The following OARD1 variants were observed in gnomAD, a reference collection of about 807,000 sequenced individuals.
OARD1 encodes ADP-ribose glycohydrolase OARD1.
A neutral mutation model predicts 19.7 loss-of-function variants in OARD1; 19 were observed. That is an observed-to-expected ratio of 0.96 (90% CI 0.67 to 1.41). OARD1 has a LOEUF of 1.41. Ranked by LOEUF, OARD1 falls within the 40% of genes most tolerant of loss-of-function variation. The pLI is 0.00. For missense variants in OARD1, 190 were observed against 183.8 expected, an observed-to-expected ratio of 1.03 and a Z score of -0.20; for synonymous variants, 70 against 61.8, an observed-to-expected ratio of 1.13 and a Z score of -0.62.
intron 1 of OARD1, chr6:41,092,905 C>CA: frequency 6.2e-7 from 1 of 1,611,992 alleles, no homozygotes; most frequent in South Asian, 1.1e-5. Flanking sequence ...GTTTCCTGTT[C>CA]ACACAGATGG....
chr6:41,074,317 T>C (rs1433119415), upstream of OARD1, among the ~76,000 whole-genome samples: 1 of 152,204 alleles, frequency 6.6e-6, no homozygotes, highest in African/African-American at 2.4e-5. Context: ...CAGCAGTTAG[T>C]ATATGCCAGG....
Position 41,066,257 on chromosome 6 carries a change from G to A in OARD1, c.*1078C>T, listed in dbSNP as rs993580297. The stretch of plus-strand genomic sequence containing the variant: ...TCCTCCCGCCTCAACCTCTAGAGTA[G>A]CTGGAACTACAGGCCTGCACCACCA... On this transcript the variant is annotated 3_prime_UTR_variant, in exon 6 of 6. Transcript: ENST00000424266. The A allele has an allele frequency of 6.6e-6, 1 of 152,044 alleles. No homozygotes were observed. Among genetic ancestry groups the A allele is most frequent in the Non-Finnish European group, 1.5e-5 (1 of 68,018 alleles). 9.4% of individuals were successfully genotyped at this position (152,044 alleles called of 1,614,324 possible).
At chr6:41,088,614 C>T (rs979452186) in intron 1 of OARD1, among the ~76,000 whole-genome samples, 13 of 151,894 alleles carry the variant, frequency 8.6e-5, no homozygotes, top group Non-Finnish European at 1.6e-4. Context: ...GACAGTTACT[C>T]GCTCTGTTGC....
At chr6:41,083,177 A>G (rs1763955589) in intron 1 of OARD1, among the ~76,000 whole-genome samples, 1 of 152,194 alleles carries the variant, frequency 6.6e-6, no homozygotes, top group Non-Finnish European at 1.5e-5. Context: ...TCCAGAAAGC[A>G]TTCTATTAGG....
intron 1 of OARD1, chr6:41,093,032 A>T: frequency 6.2e-7 from 1 of 1,614,184 alleles, no homozygotes; most frequent in Non-Finnish European, 8.5e-7. Flanking sequence ...TCTTAAGAGG[A>T]GGCAAGCCCG....
chr6:41,090,422 CAA>C lies in OARD1; in HGVS notation c.-42+7289_-42+7290del, dbSNP rs368610238. The C allele has an allele frequency of 3.3e-3, 1,445 of 442,568 alleles. 2 individuals are homozygous for C. Among genetic ancestry groups the C allele is most frequent in the African/African-American group, 9.6e-3 (440 of 46,044 alleles). 27.4% of individuals were successfully genotyped at this position (442,568 alleles called of 1,614,324 possible). ...AACTTGACACTACATATTTTTTGGA[CAA>C]AAAAAAAAAAGATTTCCTCTAGCTC... On this transcript the variant is annotated intron_variant, in intron 1 of 4. Coordinates refer to the OARD1 transcript ENST00000480585.
At chr6:41,092,470 T>C (rs1006155496) in intron 1 of OARD1, among the ~76,000 whole-genome samples, 2 of 152,246 alleles carry the variant, frequency 1.3e-5, no homozygotes, top group African/African-American at 4.8e-5. Context: ...TACTTGTTTT[T>C]ACCTACATTT....
chr6:41,084,023 G>C, intron 1 of OARD1: 2 of 1,579,452 alleles, frequency 1.3e-6, no homozygotes, highest in Non-Finnish European at 1.7e-6. Context: ...TTATTTCATT[G>C]TTCTTATTTT....
At chr6:41,086,929 T>A (rs888414377) in intron 1 of OARD1, among the ~76,000 whole-genome samples, 10 of 152,170 alleles carry the variant, frequency 6.6e-5, no homozygotes, top group African/African-American at 2.4e-4. Context: ...AATATAAGAA[T>A]TTTTATGCTA....
chr6:41,083,589 G>A (rs1319182271), intron 1 of OARD1, among the ~76,000 whole-genome samples: 1 of 152,124 alleles, frequency 6.6e-6, no homozygotes, highest in Non-Finnish European at 1.5e-5. Context: ...TAGAGTCATT[G>A]CTGGGTACAG....
At chr6:41,087,741 T>G (rs1407281325) in intron 1 of OARD1, among the ~76,000 whole-genome samples, 1 of 152,206 alleles carries the variant, frequency 6.6e-6, no homozygotes, top group Non-Finnish European at 1.5e-5. Flanking sequence ...TCACTAGTTA[T>G]ATGAAAATAG....
At chr6:41,094,000 G>T (rs1764275544) in intron 1 of OARD1, among the ~76,000 whole-genome samples, 1 of 152,158 alleles carries the variant, frequency 6.6e-6, no homozygotes, top group Non-Finnish European at 1.5e-5. Context: ...AACAGCAAGG[G>T]TGTCAGAGTG....
chr6:41,095,327 G>A (rs1764317970), intron 1 of OARD1, among the ~76,000 whole-genome samples: 2 of 152,116 alleles, frequency 1.3e-5, no homozygotes, highest in Admixed American at 1.3e-4. Context: ...TTCCTGCCAC[G>A]GGTCTTTGTC....
At chr6:41,067,553 T>C (rs1581996434) in intron 5 of OARD1, 116 bp from the exon 6 acceptor site, 2 of 653,406 alleles carry the variant, frequency 3.1e-6, no homozygotes, top group South Asian at 3.7e-5. Context: ...CTGACACCCT[T>C]ATGGGCAACC....
intron 1 of OARD1, among the ~76,000 whole-genome samples, chr6:41,086,159 A>G (rs1288919955): frequency 1.3e-5 from 2 of 152,072 alleles, no homozygotes; most frequent in African/African-American, 4.8e-5. Flanking sequence ...TGTTGAGTAG[A>G]GACAATGTGG....
intron 1 of OARD1, among the ~76,000 whole-genome samples, chr6:41,094,810 A>C (rs1291351247): frequency 1.3e-5 from 2 of 152,140 alleles, no homozygotes; most frequent in Non-Finnish European, 2.9e-5. Flanking sequence ...CTGGTGATGC[A>C]TGCCTGTAGT....
intron 5 of OARD1, among the ~76,000 whole-genome samples, chr6:41,068,111 A>G (rs1186854718): frequency 4.6e-5 from 7 of 152,236 alleles, no homozygotes; most frequent in African/African-American, 1.4e-4. Context: ...TCTGATATGT[A>G]TGTACACCAT....
chr6:41,081,302 AC>A (rs1440234816), intron 1 of OARD1, among the ~76,000 whole-genome samples: 7 of 152,154 alleles, frequency 4.6e-5, no homozygotes, highest in African/African-American at 1.7e-4. Flanking sequence ...ATCCTGGCAA[AC>A]ATGGTGAAAC....
Position 41,080,952 on chromosome 6 carries a change from G to A in OARD1, c.-41-9277C>T, listed in dbSNP as rs535501836. The A allele has an allele frequency of 7.1e-5, 98 of 1,388,300 alleles. 1 individual carries two copies. The highest frequency in any genetic ancestry group is 8.8e-5 in the Non-Finnish European group (86 of 977,644). 86.0% of individuals were successfully genotyped at this position (1,388,300 alleles called of 1,614,324 possible). The stretch of plus-strand genomic sequence containing the variant: ...CTGCATGAACTTCTCCTCTCCTCAT[G>A]TCTGGTGCTGTTTGTGTTAGGATCT... On this transcript the variant is annotated intron_variant, in intron 1 of 4. Transcript: ENST00000480585.
Sources: allele counts gnomAD v4.1 joint callset (sites outside exome capture counted in the v4.1 genomes callset), GRCh38; gene constraint gnomAD v4.1.1; transcripts MANE v1.5; gene names NCBI Gene and HGNC (gene_info 2026-07-23, HGNC 2026-07-21).